Variants in BRAF observed in about 807,000 individuals in gnomAD.
The protein encoded by BRAF is serine/threonine-protein kinase B-raf.
Under a neutral mutation model 104.6 loss-of-function variants are expected in BRAF, and 16 were observed. That is an observed-to-expected ratio of 0.15 (90% CI 0.10 to 0.23). BRAF has a LOEUF of 0.23. BRAF is among the 10% of genes least tolerant of loss of function. BRAF has a pLI of 1.00. For synonymous variants in BRAF, 310 were observed against 341.6 expected (o/e 0.91, Z 1.02); for missense variants, 541 against 937.3 (o/e 0.58, Z 5.52).
chr7:140,781,748 A>G, intron 11 of BRAF, 55 bp from the exon 11 acceptor site: 7 of 1,400,198 alleles, frequency 5.0e-6, no homozygotes, highest in Non-Finnish European at 7.1e-6. Context: ...AGAAAACCTT[A>G]TGTTTCACCC....
chr7:140,766,578 T>A (rs1008079242), intron 14 of BRAF, among the ~76,000 whole-genome samples: 1 of 152,164 alleles, frequency 6.6e-6, no homozygotes, highest in Non-Finnish European at 1.5e-5. Context: ...TCATTATTAC[T>A]GTTACTTCTT....
At chr7:140,921,460 C>A (rs1818213553) in intron 1 of BRAF, among the ~76,000 whole-genome samples, 2 of 152,046 alleles carry the variant, frequency 1.3e-5, no homozygotes, top group Admixed American at 1.3e-4. Flanking sequence ...AGACTAAAAT[C>A]TACATCCTAT....
At chr7:140,784,336 A>G (rs1801151003) in intron 10 of BRAF, among the ~76,000 whole-genome samples, 1 of 152,200 alleles carries the variant, frequency 6.6e-6, no homozygotes, top group Non-Finnish European at 1.5e-5. Flanking sequence ...CACAATGTCT[A>G]TTAAGTAGAG....
chr7:140,759,276 C>G (rs1428705346), intron 14 of BRAF, among the ~76,000 whole-genome samples: 1 of 152,192 alleles, frequency 6.6e-6, no homozygotes, highest in Non-Finnish European at 1.5e-5. Flanking sequence ...AAAGAAACTG[C>G]CAACCTGATC....
At chr7:140,869,479 A>T (rs1811326936) in intron 1 of BRAF, among the ~76,000 whole-genome samples, 1 of 152,140 alleles carries the variant, frequency 6.6e-6, no homozygotes. Context: ...CTAAAAATAC[A>T]AAAAATAGCC....
chr7:140,858,717 T>C (rs911953614), intron 1 of BRAF, among the ~76,000 whole-genome samples: 3 of 152,122 alleles, frequency 2.0e-5, no homozygotes, highest in Admixed American at 6.5e-5. Flanking sequence ...CTACATATGA[T>C]ATTTTGGTTA....
chr7:140,744,784 C>T (rs957273862), intron 17 of BRAF, among the ~76,000 whole-genome samples: 5 of 151,984 alleles, frequency 3.3e-5, no homozygotes, highest in Admixed American at 3.3e-4. Flanking sequence ...TACATATTTC[C>T]AATATAATTT....
At chr7:140,854,982 G>C (rs1301104563) in intron 1 of BRAF, among the ~76,000 whole-genome samples, 2 of 152,018 alleles carry the variant, frequency 1.3e-5, no homozygotes, top group Non-Finnish European at 2.9e-5. Context: ...TATTGGCTAG[G>C]TATAGTGGGG....
downstream of BRAF, among the ~76,000 whole-genome samples, chr7:140,717,928 C>A (rs1241450907): frequency 6.6e-6 from 1 of 152,018 alleles, no homozygotes; most frequent in African/African-American, 2.4e-5. Flanking sequence ...GCTATATTGC[C>A]CTGGCTTGCC....
chr7:140,909,384 C>T (rs1816711541), intron 1 of BRAF, among the ~76,000 whole-genome samples: 1 of 152,136 alleles, frequency 6.6e-6, no homozygotes, highest in Non-Finnish European at 1.5e-5. Flanking sequence ...CGCCATTGTA[C>T]TCCACCCTGG....
chr7:140,836,899 A>G (rs184509828), intron 2 of BRAF, among the ~76,000 whole-genome samples: 5 of 152,340 alleles, frequency 3.3e-5, no homozygotes, highest in Admixed American at 3.3e-4. Context: ...CTGAGCAAGT[A>G]CAGTTACTAG....
intron 1 of BRAF, among the ~76,000 whole-genome samples, chr7:140,890,830 T>C (rs944143904): frequency 8.5e-5 from 13 of 152,206 alleles, no homozygotes; most frequent in African/African-American, 2.9e-4. Context: ...AGGAAGCATA[T>C]TTTAATTTTC....
At chr7:140,763,212 A>G (rs1330095630) in intron 14 of BRAF, among the ~76,000 whole-genome samples, 10 of 151,590 alleles carry the variant, frequency 6.6e-5, no homozygotes, top group Non-Finnish European at 1.5e-4. Context: ...CACCTCCCGG[A>G]CGAGGCGGCT....
At chr7:140,828,055 C>T (rs1488668970) in intron 3 of BRAF, among the ~76,000 whole-genome samples, 1 of 152,022 alleles carries the variant, frequency 6.6e-6, no homozygotes, top group Non-Finnish European at 1.5e-5. Context: ...GGCACCACAC[C>T]CGGCCAATTT....
At chr7:140,798,378 T>C (rs921322262) in intron 7 of BRAF, among the ~76,000 whole-genome samples, 4 of 144,440 alleles carry the variant, frequency 2.8e-5, no homozygotes, top group Non-Finnish European at 4.5e-5. Flanking sequence ...TCCTCCTGAC[T>C]CCTGAGTAGC....
chr7:140,914,647 A>G (rs575783758), intron 1 of BRAF, among the ~76,000 whole-genome samples: 2 of 152,098 alleles, frequency 1.3e-5, no homozygotes, highest in Admixed American at 1.3e-4. Flanking sequence ...TATAAAGGCA[A>G]TAACTGCTTG....
intron 3 of BRAF, among the ~76,000 whole-genome samples, chr7:140,821,402 C>A (rs1805472589): frequency 6.8e-6 from 1 of 147,980 alleles, no homozygotes. Context: ...CAGGGTCAAG[C>A]AATTCTCCTG....
intron 1 of BRAF, among the ~76,000 whole-genome samples, chr7:140,879,040 A>C (rs1296422114): frequency 1.3e-5 from 2 of 151,732 alleles, no homozygotes; most frequent in Non-Finnish European, 2.9e-5. Context: ...ATGCCCAGCT[A>C]ATTTTTTTTG....
chr7:140,726,520 T>G lies in BRAF; in HGVS notation c.2402-4A>C. On this transcript the variant is annotated splice_region_variant and splice_polypyrimidine_tract_variant and intron_variant, in intron 19 of 19. Transcript: ENST00000644969. The stretch of plus-strand genomic sequence containing the variant: ...TACTTGAAGGCTGCAAATTCTCCTG[T>G]AGAGGGAGGACAAGAGCTAATTTTA... 1 of 1,535,168 alleles carries G rather than the reference T, an allele frequency of 6.5e-7. No individual in the cohort carries two copies. Among genetic ancestry groups the G allele is most frequent in the Non-Finnish European group, 8.7e-7 (1 of 1,145,792 alleles).
Sources: allele counts gnomAD v4.1 joint callset (sites outside exome capture counted in the v4.1 genomes callset), GRCh38; gene constraint gnomAD v4.1.1; transcripts MANE v1.5; gene names NCBI Gene and HGNC (gene_info 2026-07-23, HGNC 2026-07-21).